The following DLGAP2 variants were observed in gnomAD, a reference collection of about 807,000 sequenced individuals.
The protein encoded by DLGAP2 is DLG associated protein 2.
Under a neutral mutation model 100.3 loss-of-function variants are expected in DLGAP2, and 26 were observed. The ratio of observed to expected loss-of-function variants is 0.26; its 90% confidence interval spans 0.19 to 0.36. DLGAP2 has a LOEUF of 0.36. Ranked by LOEUF, DLGAP2 falls within the 10% of genes least tolerant of loss-of-function variation. The pLI, the probability that DLGAP2 is intolerant of heterozygous loss-of-function variation, is 1.00. For missense variants in DLGAP2, 1,858 were observed against 1,453.2 expected, an observed-to-expected ratio of 1.28 and a Z score of -4.53; for synonymous variants, 886 against 630.1, an observed-to-expected ratio of 1.41 and a Z score of -6.08.
chr8:884,346 G>C (rs187258434), intron 1 of DLGAP2, among the ~76,000 whole-genome samples: 1 of 152,192 alleles, frequency 6.6e-6, no homozygotes, highest in African/African-American at 2.4e-5. Flanking sequence ...ACTGGCATGA[G>C]ATGGTATCTC....
chr8:782,745 T>G (rs1821731744), intron 1 of DLGAP2, among the ~76,000 whole-genome samples: 1 of 152,160 alleles, frequency 6.6e-6, no homozygotes, highest in Non-Finnish European at 1.5e-5. Flanking sequence ...ACTAGTTAAT[T>G]CATGAGGGTT....
At chr8:1,423,307 G>A (rs1210622134) in intron 3 of DLGAP2, among the ~76,000 whole-genome samples, 2 of 152,166 alleles carry the variant, frequency 1.3e-5, no homozygotes, top group South Asian at 4.2e-4. Context: ...CCATGGGACA[G>A]ACAGGTTCCC....
chr8:1,386,271 A>ATTCTAAAATC (rs1256809559), intron 3 of DLGAP2, among the ~76,000 whole-genome samples: 36 of 152,302 alleles, frequency 2.4e-4, no homozygotes, highest in Non-Finnish European at 2.4e-4. Flanking sequence ...TTCTAGAAAA[A>ATTCTAAAATC]TCACCAGACC....
chr8:1,561,427 G>A (rs1242502595), intron 5 of DLGAP2, among the ~76,000 whole-genome samples: 4 of 152,126 alleles, frequency 2.6e-5, no homozygotes, highest in Admixed American at 6.6e-5. Context: ...CACAGACACC[G>A]CCTGTCCAGC....
chr8:1,000,971 G>C (rs1318365913), intron 2 of DLGAP2, among the ~76,000 whole-genome samples: 1 of 152,168 alleles, frequency 6.6e-6, no homozygotes, highest in Admixed American at 6.5e-5. Flanking sequence ...CTCAGTGTAG[G>C]CAGGAGTGCC....
chr8:1,463,642 C>G (rs768789791), intron 3 of DLGAP2, among the ~76,000 whole-genome samples: 1 of 152,204 alleles, frequency 6.6e-6, no homozygotes, highest in East Asian at 1.9e-4. Flanking sequence ...ATCCAGGAGG[C>G]GGTCGGGATA....
At chr8:1,689,920 T>C (rs35324141) in intron 12 of DLGAP2, among the ~76,000 whole-genome samples, 61,673 of 152,074 alleles carry the variant, frequency 0.41, 13,214 homozygotes, top group African/African-American at 0.53. Flanking sequence ...GCAAATAATA[T>C]CCAGCAGAGA....
intron 3 of DLGAP2, among the ~76,000 whole-genome samples, chr8:1,473,211 G>C (rs967120574): frequency 2.0e-5 from 3 of 152,208 alleles, no homozygotes; most frequent in African/African-American, 7.2e-5. Flanking sequence ...GATTACAGTC[G>C]TGAGCCACCG....
chr8:1,629,180 G>A (rs548576072), intron 7 of DLGAP2, among the ~76,000 whole-genome samples: 3 of 152,186 alleles, frequency 2.0e-5, no homozygotes, highest in Admixed American at 6.5e-5. Flanking sequence ...TTTCCTCATC[G>A]GAAGGTTGTA....
At chr8:849,463 C>G (rs1411035129) in intron 1 of DLGAP2, among the ~76,000 whole-genome samples, 8 of 152,148 alleles carry the variant, frequency 5.3e-5, no homozygotes, top group Admixed American at 3.9e-4. Flanking sequence ...GCATTTAGTT[C>G]GATGCCTGGG....
At chr8:1,500,879 A>G (rs1799698182) in intron 3 of DLGAP2, among the ~76,000 whole-genome samples, 1 of 152,254 alleles carries the variant, frequency 6.6e-6, no homozygotes, top group South Asian at 2.1e-4. Context: ...AAGCACTAAG[A>G]TCACAAATGC....
chr8:772,629 G>C (rs939614149), intron 1 of DLGAP2, among the ~76,000 whole-genome samples: 2 of 152,162 alleles, frequency 1.3e-5, no homozygotes, highest in Admixed American at 1.3e-4. Context: ...TGCCTTAATA[G>C]AGTATTTTAC....
At position 1,099,445 on chromosome 8, in the gene DLGAP2, A is replaced by C. The variant is rs1363946587; in HGVS notation, c.74-159406A>C. Among the ~76,000 whole-genome samples, 4 of 152,334 alleles carry C rather than the reference A, an allele frequency of 2.6e-5. No homozygotes were observed. The East Asian group carries it at 7.7e-4, about 29-fold the overall frequency. The stretch of plus-strand genomic sequence containing the variant: ...AGTGTCTGGGATGCGCCAGGGCCGT[A>C]CTGGGGCTACGTTGCTAAGTAAACT... On this transcript the variant is annotated intron_variant, in intron 2 of 14. Transcript: ENST00000637795.
At chr8:893,105 C>G (rs1563082901) in intron 1 of DLGAP2, 4 of 152,244 alleles carry the variant, frequency 2.6e-5, no homozygotes, top group Non-Finnish European at 1.5e-5. Flanking sequence ...GTGAGACACC[C>G]TTGCCTGCAA....
intron 2 of DLGAP2, among the ~76,000 whole-genome samples, chr8:926,478 C>G (rs1244254073): frequency 6.6e-6 from 1 of 152,192 alleles, no homozygotes; most frequent in Non-Finnish European, 1.5e-5. Flanking sequence ...GTCTCTGTGT[C>G]TCACCGCACC....
At chr8:1,639,442 C>T (rs934769838) in intron 8 of DLGAP2, among the ~76,000 whole-genome samples, 3 of 152,132 alleles carry the variant, frequency 2.0e-5, no homozygotes, top group African/African-American at 7.2e-5. Flanking sequence ...CCCCTCTATG[C>T]GGAGCAGCAG....
At chr8:1,270,896 G>C (rs564851783) in intron 3 of DLGAP2, among the ~76,000 whole-genome samples, 1 of 152,010 alleles carries the variant, frequency 6.6e-6, no homozygotes, top group Non-Finnish European at 1.5e-5. Flanking sequence ...GATGTTCTTC[G>C]TAAATTTGGT....
chr8:985,753 C>G (rs927394413), intron 2 of DLGAP2, among the ~76,000 whole-genome samples: 17 of 152,102 alleles, frequency 1.1e-4, no homozygotes, highest in Non-Finnish European at 1.9e-4. Flanking sequence ...TTCAAGGTAA[C>G]GCTTATCTTT....
chr8:1,190,675 C>G (rs373181475), intron 2 of DLGAP2, among the ~76,000 whole-genome samples: 1 of 152,148 alleles, frequency 6.6e-6, no homozygotes, highest in East Asian at 1.9e-4. Context: ...CCTCATCCTC[C>G]CAACCCCGTG....
Sources: allele counts gnomAD v4.1 joint callset (sites outside exome capture counted in the v4.1 genomes callset), GRCh38; gene constraint gnomAD v4.1.1; transcripts MANE v1.5; gene names NCBI Gene and HGNC (gene_info 2026-07-23, HGNC 2026-07-21).